Variants in DISC1 observed in about 807,000 individuals in gnomAD.
The protein encoded by DISC1 is DISC1 scaffold protein.
Under a neutral mutation model 84.5 loss-of-function variants are expected in DISC1, and 57 were observed. The ratio of observed to expected loss-of-function variants is 0.67; its 90% CI spans 0.55 to 0.84. DISC1 has a LOEUF of 0.84. Ranked by LOEUF, DISC1 falls within the 40% of genes least tolerant of loss-of-function variation. The probability of loss-of-function intolerance (pLI) is 0.00; values close to 1 mark genes in which losing one functional copy is unlikely to be tolerated. For synonymous variants in DISC1, 411 were observed against 415.2 expected (o/e 0.99, Z 0.12); for missense variants, 1,000 against 1,057.8 (o/e 0.95, Z 0.76).
intron 1 of DISC1, among the ~76,000 whole-genome samples, chr1:231,692,505 G>A (rs1198685278): frequency 6.6e-6 from 1 of 152,250 alleles, no homozygotes; most frequent in Non-Finnish European, 1.5e-5. Context: ...CATGATCGTA[G>A]CTCAGTGGGA....
chr1:231,915,895 C>T (rs1451453724), intron 9 of DISC1, among the ~76,000 whole-genome samples: 1 of 152,222 alleles, frequency 6.6e-6, no homozygotes, highest in Non-Finnish European at 1.5e-5. Context: ...TCAGCCTTCA[C>T]AGCCAGAGAT....
At chr1:231,732,018 A>AG (rs1187951919) in intron 3 of DISC1, among the ~76,000 whole-genome samples, 2 of 152,204 alleles carry the variant, frequency 1.3e-5, no homozygotes, top group African/African-American at 4.8e-5. Flanking sequence ...GTTTGACTTG[A>AG]GACAGCTTCT....
At chr1:231,725,696 C>T (rs1009866301) in intron 3 of DISC1, among the ~76,000 whole-genome samples, 1 of 152,240 alleles carries the variant, frequency 6.6e-6, no homozygotes, top group African/African-American at 2.4e-5. Flanking sequence ...AAGTCAAGAA[C>T]CTTCCTGGGA....
rs145821036 is a variant in DISC1, at chr1:231,700,849, G to A, written c.1048-1106G>A. On this transcript the variant is annotated intron_variant, in intron 2 of 12. Transcript: ENST00000439617. ...ACATTTAACACAGACTGGAGGAGAC[G>A]ACACTTGTGCTAGGGGTTGAAGGAA... is the stretch of plus-strand genomic sequence containing the variant. 3.5e-4 allele frequency among the ~76,000 whole-genome samples: 54 copies of A among 152,302 alleles called. 1 individual carries two copies. In the East Asian group the frequency reaches 9.6e-3, roughly 27 times the overall value.
rs140257794 is a variant in DISC1 at position 231,722,712 on chromosome 1, G to A, written c.1117+20688G>A. ...AAAGAGGACCCACGTGGAAGAATAC[G>A]CTCATTTATGATCAGGGTAGCATCA... On this transcript the variant is annotated intron_variant, in intron 3 of 12. Coordinates refer to ENST00000439617, the MANE Select transcript of DISC1 (RefSeq NM_018662.3). The A allele has an allele frequency of 2.6e-4, 401 of 1,563,902 alleles. 2 individuals are homozygous for A. In the African/African-American group the frequency reaches 4.9e-3, roughly 19 times the overall value.
intron 9 of DISC1, among the ~76,000 whole-genome samples, chr1:231,906,982 TTTC>T (rs992404915): frequency 6.6e-6 from 1 of 151,814 alleles, no homozygotes; most frequent in African/African-American, 2.4e-5. Context: ...CTTTCTTTTC[TTTC>T]TTTTCTTTCT....
At chr1:232,014,488 C>T (rs1440060958) in intron 11 of DISC1, among the ~76,000 whole-genome samples, 1 of 152,182 alleles carries the variant, frequency 6.6e-6, no homozygotes, top group South Asian at 2.1e-4. Context: ...CCATCTTTCC[C>T]AAGAGCAGAG....
intron 3 of DISC1, chr1:231,722,642 T>C (rs2069967830): frequency 3.1e-6 from 5 of 1,613,740 alleles, no homozygotes; most frequent in Non-Finnish European, 2.5e-6. Context: ...CAAATAGATA[T>C]CCACACAGCG....
chr1:231,938,406 G>A (rs2091109025), intron 9 of DISC1, among the ~76,000 whole-genome samples: 2 of 152,276 alleles, frequency 1.3e-5, no homozygotes, highest in East Asian at 3.9e-4. Flanking sequence ...GAGGTGAAGG[G>A]GGGCCCATGA....
chr1:231,742,756 TA>T (rs2073461603), intron 3 of DISC1, among the ~76,000 whole-genome samples: 1 of 150,434 alleles, frequency 6.6e-6, no homozygotes, highest in Non-Finnish European at 1.5e-5. Flanking sequence ...AAAATAAAAA[TA>T]AAAAAAGCTA....
chr1:231,992,574 T>G (rs556267682), intron 10 of DISC1, among the ~76,000 whole-genome samples: 1 of 152,298 alleles, frequency 6.6e-6, no homozygotes, highest in Non-Finnish European at 1.5e-5. Flanking sequence ...GCTTAGAAAG[T>G]TTTTCCCCAC....
At position 231,737,567 on chromosome 1, in the gene DISC1, AAGG is replaced by A. The variant is rs370090654; in HGVS notation, c.1118-12356_1118-12354del. On this transcript the variant is annotated intron_variant, in intron 3 of 12. Coordinates refer to ENST00000439617, the MANE Select transcript of DISC1 (RefSeq NM_018662.3). ...TTTTGACCACTGGGCCAAACAGTGAAAGGAGAATAGGAGAGGAGGTTTTCTTAA... is the reference window on the plus strand; with the variant it reads ...TTTTGACCACTGGGCCAAACAGTGAAAGAATAGGAGAGGAGGTTTTCTTAA... Among the ~76,000 whole-genome samples the A allele has an allele frequency of 2.4e-3, 362 of 152,338 alleles. 2 individuals are homozygous for A. The Middle Eastern group carries it at 0.041, about 17-fold the overall frequency.
At chr1:231,646,902 GGCTT>G (rs1344148968) in intron 1 of DISC1, among the ~76,000 whole-genome samples, 13 of 152,100 alleles carry the variant, frequency 8.5e-5, no homozygotes, top group East Asian at 5.8e-4. Flanking sequence ...CTTTTTGATG[GGCTT>G]GTTTATTTGT....
intron 10 of DISC1, among the ~76,000 whole-genome samples, chr1:231,976,653 G>C (rs1018955293): frequency 1.3e-5 from 2 of 152,112 alleles, no homozygotes; most frequent in Non-Finnish European, 2.9e-5. Flanking sequence ...CCCCCGTATT[G>C]GGCTTAACTC....
intron 3 of DISC1, chr1:231,745,513 C>T (rs770304614): frequency 1.4e-5 from 3 of 210,440 alleles, no homozygotes; most frequent in Middle Eastern, 5.3e-4. Context: ...TGAGCCACCG[C>T]GCTCAGCCTA....
intron 10 of DISC1, chr1:231,959,222 G>T: frequency 9.8e-7 from 1 of 1,017,102 alleles, no homozygotes; most frequent in African/African-American, 1.7e-5. Flanking sequence ...TTTAGTGTTT[G>T]AGGGGGGTCT....
At chr1:231,632,947 T>G (rs860312) in intron 1 of DISC1, among the ~76,000 whole-genome samples, 2,208 of 152,268 alleles carry the variant, frequency 0.015, 64 homozygotes, top group African/African-American at 0.05. Context: ...GGCGTGTGCC[T>G]GTAATCCCAG....
In DISC1 at chr1:231,694,282, G is replaced by A. The variant is rs2065384298; in HGVS notation, c.524G>A (p.Gly175Asp). Reference protein sequence around the residue: ...SDGARRVRAAGSLPSAELSSN... With the variant: ...SDGARRVRAADSLPSAELSSN... ...GGAGCAAGGCGTGTCCGGGCAGCAG[G>A]CTCTCTGCCATCAGCAGAGTTGAGT... Residue 175 changes from glycine (G) to aspartate (D), a missense_variant, in exon 2 of 13, where the codon GGC becomes GAC. By Grantham distance (94) the Gly-to-Asp change is moderately conservative (BLOSUM62 -1). This residue lies in a region of DISC1 where 292 missense variants were observed against 280.2 expected (regional missense o/e 1.04). Coordinates refer to ENST00000439617, the MANE Select transcript of DISC1 (RefSeq NM_018662.3). 1.9e-6 allele frequency: 3 copies of A among 1,614,258 alleles called. No homozygotes were observed. The highest frequency in any genetic ancestry group is 2.7e-5 in the African/African-American group (2 of 75,070).
chr1:231,789,988 A>C (rs2078202594), intron 6 of DISC1, among the ~76,000 whole-genome samples: 1 of 152,214 alleles, frequency 6.6e-6, no homozygotes, highest in Non-Finnish European at 1.5e-5. Flanking sequence ...TTTAAAAATC[A>C]AAGACATTCT....
Sources: gnomAD v4.1 joint callset for allele counts (sites outside exome capture counted in the v4.1 genomes callset) on GRCh38, gnomAD v4.1.1 for gene constraint, gnomAD v4.1.1 regional missense constraint, MANE v1.5 for transcripts, NCBI Gene and HGNC (gene_info 2026-07-23, HGNC 2026-07-21) for gene names.